RALGPS2: variants seen among roughly 807,000 people sequenced by gnomAD.
RALGPS2 encodes the protein ras-specific guanine nucleotide-releasing factor RalGPS2.
In RALGPS2, 43 loss-of-function variants were observed where a neutral mutation model predicts 86.8. That is an observed-to-expected ratio of 0.50 (90% CI 0.39 to 0.64). The LOEUF is 0.64. RALGPS2 is among the 30% of genes least tolerant of loss of function. RALGPS2 has a pLI of 0.00. For synonymous variants in RALGPS2, 243 were observed against 231.3 expected, an observed-to-expected ratio of 1.05 and a Z score of -0.46; for missense variants, 536 against 694.6, an observed-to-expected ratio of 0.77 and a Z score of 2.57.
intron 8 of RALGPS2, among the ~76,000 whole-genome samples, chr1:178,840,409 C>A (rs1656535712): frequency 6.6e-6 from 1 of 152,088 alleles, no homozygotes; most frequent in African/African-American, 2.4e-5. Flanking sequence ...CTACTGGGTA[C>A]ATAACAAAAT....
intron 1 of RALGPS2, among the ~76,000 whole-genome samples, chr1:178,737,376 G>A (rs188397673): frequency 6.6e-6 from 1 of 152,292 alleles, no homozygotes; most frequent in East Asian, 1.9e-4. Flanking sequence ...CTCGCGAGTA[G>A]CTGGGATTAC....
intron 1 of RALGPS2, among the ~76,000 whole-genome samples, chr1:178,741,154 T>C (rs181969071): frequency 2.0e-5 from 3 of 152,328 alleles, no homozygotes; most frequent in Admixed American, 2.0e-4. Context: ...AGATAAGGTA[T>C]AGGGAGTTAG....
chr1:178,759,315 T>A (rs1489592577), intron 1 of RALGPS2, among the ~76,000 whole-genome samples: 2 of 152,206 alleles, frequency 1.3e-5, no homozygotes, highest in Non-Finnish European at 1.5e-5. Flanking sequence ...CAGCCCTGTT[T>A]ATTGAAGAGA....
intron 13 of RALGPS2, among the ~76,000 whole-genome samples, chr1:178,886,766 A>G (rs534924074): frequency 3.9e-5 from 6 of 152,338 alleles, no homozygotes; most frequent in African/African-American, 1.2e-4. Context: ...AGGAAACTAA[A>G]AAGGAGAGAT....
chr1:178,788,308 T>C (rs1653769291), intron 4 of RALGPS2, among the ~76,000 whole-genome samples: 1 of 152,220 alleles, frequency 6.6e-6, no homozygotes, highest in Non-Finnish European at 1.5e-5. Context: ...TGTATGCCTA[T>C]TTTATGCAAT....
intron 1 of RALGPS2, among the ~76,000 whole-genome samples, chr1:178,752,523 G>A (rs761696467): frequency 3.3e-5 from 5 of 152,002 alleles, no homozygotes; most frequent in Admixed American, 6.6e-5. Flanking sequence ...GGTGATCAAA[G>A]AGAAGCAAAA....
chr1:178,757,734 A>C (rs1221058869), intron 1 of RALGPS2, among the ~76,000 whole-genome samples: 2 of 151,974 alleles, frequency 1.3e-5, no homozygotes, highest in African/African-American at 2.4e-5. Context: ...TTCATCAGGG[A>C]TATTGGCCTG....
At chr1:178,906,628 A>G (rs1008473795) in intron 18 of RALGPS2, 148 bp from the exon 19 acceptor site, 2 of 608,264 alleles carry the variant, frequency 3.3e-6, no homozygotes, top group African/African-American at 3.8e-5. Context: ...TACAATAAAA[A>G]TAGGAAATAC....
intron 1 of RALGPS2, among the ~76,000 whole-genome samples, chr1:178,766,707 C>T (rs959097241): frequency 1.3e-5 from 2 of 152,140 alleles, no homozygotes; most frequent in Admixed American, 6.5e-5. Flanking sequence ...CTTGGAGAAT[C>T]GGATGACTGT....
intron 4 of RALGPS2, among the ~76,000 whole-genome samples, chr1:178,804,392 G>C (rs1336673949): frequency 7.3e-6 from 1 of 137,842 alleles, no homozygotes; most frequent in Non-Finnish European, 1.6e-5. Flanking sequence ...TCGTCATCTA[G>C]CATTAGGTAT....
intron 17 of RALGPS2, among the ~76,000 whole-genome samples, chr1:178,901,864 G>C (rs892473097): frequency 6.6e-6 from 1 of 151,960 alleles, no homozygotes; most frequent in African/African-American, 2.4e-5. Context: ...ATAGGGAATA[G>C]ATCAGTTAGG....
At chr1:178,864,917 C>A in intron 8 of RALGPS2, 2 of 1,354,864 alleles carry the variant, frequency 1.5e-6, no homozygotes, top group African/African-American at 1.5e-5. Flanking sequence ...AAATATAAAC[C>A]TCATACTCCC....
intron 1 of RALGPS2, among the ~76,000 whole-genome samples, chr1:178,773,288 TG>T (rs925569626): frequency 2.6e-5 from 4 of 152,074 alleles, no homozygotes; most frequent in African/African-American, 7.2e-5. Flanking sequence ...GAGGCTGCAG[TG>T]AGCTAAGATT....
intron 1 of RALGPS2, among the ~76,000 whole-genome samples, chr1:178,739,269 T>A (rs980642228): frequency 6.6e-6 from 1 of 152,230 alleles, no homozygotes; most frequent in Non-Finnish European, 1.5e-5. Context: ...CATTTTTAAA[T>A]GTTTTCTTGT....
At chr1:178,834,101 C>G (rs1656154611) in intron 8 of RALGPS2, among the ~76,000 whole-genome samples, 1 of 151,940 alleles carries the variant, frequency 6.6e-6, no homozygotes, top group East Asian at 1.9e-4. Context: ...AAGTATTTAA[C>G]CAGTAATATT....
At chr1:178,778,162 T>C (rs1426156288) in intron 2 of RALGPS2, among the ~76,000 whole-genome samples, 2 of 125,446 alleles carry the variant, frequency 1.6e-5, no homozygotes, top group Non-Finnish European at 3.2e-5. Flanking sequence ...AGTGCTAATA[T>C]CCAGAATCTA....
In RALGPS2 at chr1:178,815,578, A is replaced by G. The variant is rs756806927; in HGVS notation, c.387+4174A>G. On this transcript the variant is annotated intron_variant, in intron 6 of 19. Transcript: ENST00000367635. Reference sequence around the variant, plus strand: ...TTGGTCTGTTCTGGCTGCTATAACAAAAATACCGTTAACTAGGTGGCTTGT... The same window carrying G: ...TTGGTCTGTTCTGGCTGCTATAACAGAAATACCGTTAACTAGGTGGCTTGT... Among the ~76,000 whole-genome samples the G allele has an allele frequency of 3.4e-4, 52 of 152,196 alleles. 1 individual carries two copies. The highest frequency in any genetic ancestry group is 8.8e-5 in the Non-Finnish European group (6 of 68,028).
rs1298633270 is a variant in RALGPS2, at chr1:178,751,709, T to C, written c.-83-24973T>C. Among the ~76,000 whole-genome samples, 3 of 152,170 alleles carry C rather than the reference T, an allele frequency of 2.0e-5. No individual in the cohort carries two copies. In the East Asian group the frequency reaches 5.8e-4, roughly 29 times the overall value. ...CGGAACTTATGCAGGAAGGAGTAAGTGTATCTTCAGAGACCTAGTACTCTC... is the reference window on the plus strand; with the variant it reads ...CGGAACTTATGCAGGAAGGAGTAAGCGTATCTTCAGAGACCTAGTACTCTC... On this transcript the variant is annotated intron_variant, in intron 1 of 19. Transcript: ENST00000367635.
At chr1:178,847,260 A>G (rs1444128330) in intron 8 of RALGPS2, among the ~76,000 whole-genome samples, 1 of 152,214 alleles carries the variant, frequency 6.6e-6, no homozygotes, top group East Asian at 1.9e-4. Flanking sequence ...AGCCTGGCCA[A>G]TTTGGTGAAA....
Sources: gnomAD v4.1 joint callset for allele counts (sites outside exome capture counted in the v4.1 genomes callset) on GRCh38, gnomAD v4.1.1 for gene constraint, MANE v1.5 for transcripts, NCBI Gene and HGNC (gene_info 2026-07-23, HGNC 2026-07-21) for gene names.